The following CTNNA3 variants were observed in gnomAD, a reference collection of about 807,000 sequenced individuals.
The protein encoded by CTNNA3 is catenin alpha 3.
In CTNNA3, 76 loss-of-function variants were observed where a neutral mutation model predicts 95.7. The ratio of observed to expected loss-of-function variants is 0.79; its 90% CI spans 0.66 to 0.96. The LOEUF is 0.96. CTNNA3 is among the 40% of genes least tolerant of loss of function. The pLI, the probability that CTNNA3 is intolerant of heterozygous loss-of-function variation, is 0.00. For synonymous variants in CTNNA3, 431 were observed against 374.4 expected, an observed-to-expected ratio of 1.15 and a Z score of -1.74; for missense variants, 1,191 against 1,089.8, an observed-to-expected ratio of 1.09 and a Z score of -1.31.
In CTNNA3 at chr10:66,048,042, A is replaced by G. The variant is rs143504816; in HGVS notation, c.2159+21266T>C. On this transcript the variant is annotated intron_variant, in intron 15 of 17. Transcript: ENST00000433211. ...AAGAATCAACATTATTAAAATGGTT[A>G]TACCATCCAAGGCAATTTACAGATT... 3.6e-3 allele frequency among the ~76,000 whole-genome samples: 546 copies of G among 152,350 alleles called. 4 individuals carry two copies. The highest frequency in any genetic ancestry group is 0.013 in the African/African-American group (520 of 41,580).
At chr10:66,663,370 C>A (rs1846329428) in intron 9 of CTNNA3, among the ~76,000 whole-genome samples, 1 of 151,822 alleles carries the variant, frequency 6.6e-6, no homozygotes, top group African/African-American at 2.4e-5. Context: ...CTCTTTGGGA[C>A]CATCGTCCTC....
At chr10:67,143,295 G>A (rs553220103) in intron 7 of CTNNA3, among the ~76,000 whole-genome samples, 2 of 151,822 alleles carry the variant, frequency 1.3e-5, no homozygotes, top group Admixed American at 6.6e-5. Context: ...GGTGGCGGGC[G>A]ACTGTAATCC....
intron 7 of CTNNA3, among the ~76,000 whole-genome samples, chr10:67,004,417 AT>A (rs1851857464): frequency 6.6e-6 from 1 of 152,228 alleles, no homozygotes; most frequent in Non-Finnish European, 1.5e-5. Context: ...TGTTAAAATG[AT>A]GACACATGTA....
intron 7 of CTNNA3, among the ~76,000 whole-genome samples, chr10:66,805,338 A>G (rs1841596535): frequency 6.6e-6 from 1 of 151,370 alleles, no homozygotes; most frequent in Non-Finnish European, 1.5e-5. Context: ...AGTCTTAGGG[A>G]CTCCTGACAC....
chr10:67,265,092 C>T (rs984266127), intron 5 of CTNNA3, among the ~76,000 whole-genome samples: 30 of 152,152 alleles, frequency 2.0e-4, no homozygotes, highest in African/African-American at 6.3e-4. Flanking sequence ...AAACCCTGTA[C>T]ACCAGCTCAT....
intron 1 of CTNNA3, among the ~76,000 whole-genome samples, chr10:67,679,963 T>C (rs949901054): frequency 5.9e-5 from 9 of 152,212 alleles, no homozygotes; most frequent in Non-Finnish European, 1.2e-4. Context: ...AACCTAAATG[T>C]GCATTAATAA....
chr10:66,597,531 TA>T (rs1843756130), intron 10 of CTNNA3, among the ~76,000 whole-genome samples: 1 of 125,030 alleles, frequency 8.0e-6, no homozygotes, highest in African/African-American at 3.1e-5. Flanking sequence ...TATATATATA[TA>T]TATATATATA....
intron 7 of CTNNA3, among the ~76,000 whole-genome samples, chr10:66,797,406 G>GAA (rs1554853578): frequency 0.064 from 5,524 of 85,788 alleles, 153 homozygotes; most frequent in South Asian, 0.14. Flanking sequence ...TCAAAAGTAA[G>GAA]AAAAAAAAAA....
rs57644952 is a variant in CTNNA3, at chr10:66,170,241, C to CTTTTTTTTTTT, written c.1885-67003_1885-66993dup. Among the ~76,000 whole-genome samples, 23 of 73,354 alleles carry CTTTTTTTTTTT rather than the reference C, an allele frequency of 3.1e-4. 1 individual carries two copies. Among genetic ancestry groups the CTTTTTTTTTTT allele is most frequent in the Non-Finnish European group, 4.7e-4 (18 of 38,082 alleles). 48.1% of individuals were successfully genotyped at this position (73,354 alleles called of 152,430 possible). A position where few individuals can be genotyped will look rare whatever the true frequency, so the allele number is the denominator to read the frequency against. On this transcript the variant is annotated intron_variant, in intron 13 of 17. Transcript: ENST00000433211. ...CCAGTTGCATTCTCCTCCTCATTGT[C>CTTTTTTTTTTT]TTTTTTTTTTTTTTTTTTTTTTTTT...
intron 11 of CTNNA3, among the ~76,000 whole-genome samples, chr10:66,436,765 G>T (rs1435311957): frequency 6.6e-6 from 1 of 151,966 alleles, no homozygotes; most frequent in Non-Finnish European, 1.5e-5. Flanking sequence ...ATTAATTGAT[G>T]CAGCTTCTTC....
chr10:66,161,400 CA>C (rs1362200008), intron 13 of CTNNA3, among the ~76,000 whole-genome samples: 5 of 152,182 alleles, frequency 3.3e-5, no homozygotes, highest in Non-Finnish European at 7.3e-5. Context: ...TAGGTAATGG[CA>C]AATTCTCTCA....
intron 5 of CTNNA3, among the ~76,000 whole-genome samples, chr10:67,461,173 T>C (rs900369624): frequency 6.6e-6 from 1 of 152,142 alleles, no homozygotes; most frequent in Non-Finnish European, 1.5e-5. Flanking sequence ...TTTGGCTTGG[T>C]AGAATAGAAT....
At chr10:66,897,883 A>C (rs913112834) in intron 7 of CTNNA3, among the ~76,000 whole-genome samples, 2 of 152,202 alleles carry the variant, frequency 1.3e-5, no homozygotes, top group African/African-American at 4.8e-5. Context: ...GTGAGAAATG[A>C]ACATTTCCAG....
chr10:66,967,107 G>A lies in CTNNA3; in HGVS notation c.1048-191583C>T, dbSNP rs985517252. On this transcript the variant is annotated intron_variant, in intron 7 of 17. Transcript: ENST00000433211. ...TTATTAACACTCCATTAGGAACGTTGATGGTTCTGCTAATGAAACAATGGT... is the reference window on the plus strand; with the variant it reads ...TTATTAACACTCCATTAGGAACGTTAATGGTTCTGCTAATGAAACAATGGT... 3.3e-5 allele frequency among the ~76,000 whole-genome samples: 5 copies of A among 152,140 alleles called. No individual in the cohort carries two copies. In the East Asian group the frequency reaches 9.7e-4, roughly 29 times the overall value.
chr10:66,704,870 T>C (rs920704523), intron 9 of CTNNA3, among the ~76,000 whole-genome samples: 6 of 152,190 alleles, frequency 3.9e-5, no homozygotes, highest in Non-Finnish European at 1.5e-5. Flanking sequence ...CCAATCTGGA[T>C]GTCATTTGTT....
intron 5 of CTNNA3, among the ~76,000 whole-genome samples, chr10:67,492,073 T>C (rs1848666465): frequency 6.6e-6 from 1 of 152,004 alleles, no homozygotes; most frequent in Admixed American, 6.6e-5. Flanking sequence ...AAGGCAGTTA[T>C]TGACTCCGTG....
intron 13 of CTNNA3, among the ~76,000 whole-genome samples, chr10:66,194,595 T>C (rs978766696): frequency 6.6e-6 from 1 of 152,060 alleles, no homozygotes; most frequent in Non-Finnish European, 1.5e-5. Context: ...AATAATTAAA[T>C]AAATAAAAAC....
intron 15 of CTNNA3, among the ~76,000 whole-genome samples, chr10:66,064,697 C>T (rs1338594277): frequency 2.6e-5 from 4 of 152,044 alleles, no homozygotes; most frequent in African/African-American, 9.7e-5. Flanking sequence ...CCTCCAAATG[C>T]CATAAGGGCA....
rs760637632 is a variant in CTNNA3, at chr10:66,928,377, C to G, written c.1048-152853G>C. ...TTTATGTAGATTATAAACCCACCAA[C>G]ACGGAGACCAGCGAGATGCTGCTGA... is the stretch of plus-strand genomic sequence containing the variant. On this transcript the variant is annotated intron_variant, in intron 7 of 17. Transcript: ENST00000433211. The G allele has an allele frequency of 3.2e-5, 51 of 1,614,166 alleles. No homozygotes were observed. The Admixed American group carries it at 3.5e-4, about 11-fold the overall frequency.
Sources: allele counts gnomAD v4.1 joint callset (sites outside exome capture counted in the v4.1 genomes callset), GRCh38; gene constraint gnomAD v4.1.1; transcripts MANE v1.5; gene names NCBI Gene and HGNC (gene_info 2026-07-23, HGNC 2026-07-21).